Variants in ANKS1A observed in about 807,000 individuals in gnomAD.
ANKS1A encodes the protein ankyrin repeat and sterile alpha motif domain containing 1A, also known as ankyrin repeat and SAM domain-containing protein 1A.
ANKS1A carries 55 observed loss-of-function variants against 120.3 expected under a neutral mutation model. The observed-to-expected ratio is 0.46, with a 90% CI of 0.37 to 0.57. ANKS1A has a LOEUF of 0.57. Among genes scored for constraint, ANKS1A ranks in the 20% least tolerant of loss-of-function variants. ANKS1A has a pLI of 0.00. For synonymous variants in ANKS1A, 590 were observed against 604.7 expected, an observed-to-expected ratio of 0.98 and a Z score of 0.36; for missense variants, 1,123 against 1,480.3, an observed-to-expected ratio of 0.76 and a Z score of 3.96.
chr6:35,008,006 T>C (rs1773550495), intron 10 of ANKS1A, among the ~76,000 whole-genome samples: 1 of 152,212 alleles, frequency 6.6e-6, no homozygotes, highest in East Asian at 1.9e-4. Flanking sequence ...CTTCCGTCTG[T>C]AGTCCCACTT....
At position 34,981,850 on chromosome 6, in the gene ANKS1A, A is replaced by G; in HGVS notation, c.596A>G (p.Lys199Arg). Residue 199 changes from lysine to arginine, a missense_variant, in exon 4 of 24, where the codon AAA (lysine) becomes AGA (arginine). Physicochemically the swap from Lys to Arg is conservative, Grantham distance 26 (BLOSUM62 2). Around this residue, in one of 3 missense-constraint regions of ANKS1A, gnomAD observed 146 missense variants for 267.8 expected, o/e 0.55. Coordinates refer to ENST00000360359, the MANE Select transcript of ANKS1A (RefSeq NM_015245.3). ...AALYGRLEVV[K>R]MLLNAHPNLL... ...CTGTACGGGCGACTGGAGGTGGTGA[A>G]AATGCTCCTTAATGCACACCCCAAC... 6.2e-7 allele frequency: 1 copy of G among 1,614,110 alleles called. No individual in the cohort carries two copies. The highest frequency in any genetic ancestry group is 8.5e-7 in the Non-Finnish European group (1 of 1,180,026).
intron 1 of ANKS1A, among the ~76,000 whole-genome samples, chr6:34,908,140 T>C (rs1767731061): frequency 6.6e-6 from 1 of 152,162 alleles, no homozygotes; most frequent in Non-Finnish European, 1.5e-5. Context: ...GCCAGGGATG[T>C]AAATAGTGCT....
At chr6:35,052,706 T>A (rs967881522) in intron 11 of ANKS1A, among the ~76,000 whole-genome samples, 2 of 151,688 alleles carry the variant, frequency 1.3e-5, no homozygotes, top group African/African-American at 2.4e-5. Flanking sequence ...CTGCCCCTGC[T>A]GAAGGAGGCA....
downstream of ANKS1A, among the ~76,000 whole-genome samples, chr6:35,091,894 CAA>C (rs1206960769): frequency 2.0e-5 from 3 of 152,168 alleles, no homozygotes; most frequent in Non-Finnish European, 4.4e-5. Context: ...ATGCAGAGGG[CAA>C]AGTGTTCCCA....
intron 10 of ANKS1A, among the ~76,000 whole-genome samples, chr6:35,003,670 T>TA (rs1299528314): frequency 2.0e-5 from 3 of 152,180 alleles, no homozygotes; most frequent in Non-Finnish European, 4.4e-5. Context: ...CTTCAAGTGA[T>TA]AAAAAGCCTC....
chr6:34,993,792 G>A (rs1275416145), intron 9 of ANKS1A, among the ~76,000 whole-genome samples: 1 of 152,192 alleles, frequency 6.6e-6, no homozygotes, highest in Non-Finnish European at 1.5e-5. Context: ...AAGAAACGTG[G>A]AGAAAGAGGT....
intron 13 of ANKS1A, among the ~76,000 whole-genome samples, chr6:35,068,220 CTT>C: frequency 6.6e-6 from 1 of 152,168 alleles, no homozygotes; most frequent in East Asian, 1.9e-4. Flanking sequence ...TACTAATAAA[CTT>C]GTATTATTCA....
intron 1 of ANKS1A, among the ~76,000 whole-genome samples, chr6:34,926,755 A>T (rs967393322): frequency 3.9e-5 from 6 of 152,126 alleles, no homozygotes; most frequent in African/African-American, 1.4e-4. Flanking sequence ...GCTGCTGAGC[A>T]CCAGAGCCAG....
Position 35,086,897 on chromosome 6 carries a change from C to T in ANKS1A, c.3304-55C>T, listed in dbSNP as rs1409001511. 2.6e-6 allele frequency: 4 copies of T among 1,566,378 alleles called. No individual in the cohort carries two copies. The highest frequency in any genetic ancestry group is 3.5e-6 in the Non-Finnish European group (4 of 1,137,126). On this transcript the variant is annotated intron_variant, in intron 22 of 23. Coordinates refer to ENST00000360359, the MANE Select transcript of ANKS1A (RefSeq NM_015245.3). The surrounding 1 kb of genome is among the most constrained non-coding windows in gnomAD (Gnocchi z 5.1). ...CCTGGGGGTGGGAGGGGCCTGCTGC[C>T]TCCAGCCCTGGCACAGAGCTCCCTC...
rs370690216 is a variant in ANKS1A at position 35,076,754 on chromosome 6, C to G, written c.2185-1804C>G. ...AAATGATTCTCCTGCCTCAGCCTCCCGAGTAGCTGGGATTACAGGCGCCTG... is the reference window on the plus strand; with the variant it reads ...AAATGATTCTCCTGCCTCAGCCTCCGGAGTAGCTGGGATTACAGGCGCCTG... On this transcript the variant is annotated intron_variant, in intron 13 of 23. Coordinates refer to ENST00000360359, the MANE Select transcript of ANKS1A (RefSeq NM_015245.3). Among the ~76,000 whole-genome samples, 3 of 152,198 alleles carry G rather than the reference C, an allele frequency of 2.0e-5. No homozygotes were observed. In the East Asian group the frequency reaches 5.8e-4, roughly 29 times the overall value.
the ANKS1A span, among the ~76,000 whole-genome samples, chr6:35,097,346 T>TA: frequency 1.3e-5 from 2 of 151,898 alleles, no homozygotes; most frequent in Non-Finnish European, 2.9e-5. Context: ...CTATCTCTAC[T>TA]AAAAATACAG....
chr6:35,067,921 G>A (rs921550978), intron 13 of ANKS1A, among the ~76,000 whole-genome samples: 5 of 110,362 alleles, frequency 4.5e-5, no homozygotes, highest in Admixed American at 2.4e-4. Context: ...ACGGAGTTTC[G>A]CCCTTTCCCC....
At chr6:35,059,038 A>C (rs1776349142) in intron 12 of ANKS1A, among the ~76,000 whole-genome samples, 1 of 152,270 alleles carries the variant, frequency 6.6e-6, no homozygotes. Flanking sequence ...CTCAGCTGAC[A>C]GAGGACCACT....
rs542059561 is a variant in ANKS1A at position 35,054,881 on chromosome 6, C to A, written c.2077+716C>A. 2.6e-5 allele frequency among the ~76,000 whole-genome samples: 4 copies of A among 152,348 alleles called. No homozygotes were observed. The East Asian group carries it at 7.7e-4, about 29-fold the overall frequency. On this transcript the variant is annotated intron_variant, in intron 12 of 23. Coordinates refer to ENST00000360359, the MANE Select transcript of ANKS1A (RefSeq NM_015245.3). The stretch of plus-strand genomic sequence containing the variant: ...CAGAGCAGATCTCACACCTCTCCCC[C>A]AAGCATCCAAAGATGGTCTGGGCAC...
intron 7 of ANKS1A, among the ~76,000 whole-genome samples, 169 bp from the exon 8 acceptor site, chr6:34,984,913 C>T (rs1464980242): frequency 6.6e-6 from 1 of 152,006 alleles, no homozygotes; most frequent in Non-Finnish European, 1.5e-5. Flanking sequence ...GTATAAAGAA[C>T]AGCTGAAACT....
At chr6:35,078,872 A>T (rs1777508305) in intron 14 of ANKS1A, among the ~76,000 whole-genome samples, 1 of 152,222 alleles carries the variant, frequency 6.6e-6, no homozygotes, top group African/African-American at 2.4e-5. Flanking sequence ...GCAGAGCCCT[A>T]GGGCAGGGAG....
chr6:34,972,307 C>T (rs1771222523), intron 3 of ANKS1A, among the ~76,000 whole-genome samples: 1 of 152,140 alleles, frequency 6.6e-6, no homozygotes, highest in Non-Finnish European at 1.5e-5. Context: ...AAGATGTCTG[C>T]AGTAGCTTGA....
At chr6:34,934,624 C>T (rs923870509) in intron 1 of ANKS1A, among the ~76,000 whole-genome samples, 2 of 152,200 alleles carry the variant, frequency 1.3e-5, no homozygotes, top group African/African-American at 2.4e-5. Context: ...TGCTTACATC[C>T]GTTTCCCTGG....
chr6:35,032,917 A>G (rs1774980968), intron 11 of ANKS1A, among the ~76,000 whole-genome samples: 2 of 152,160 alleles, frequency 1.3e-5, no homozygotes, highest in Admixed American at 6.5e-5. Context: ...TCCCTCACCC[A>G]TTTTTTAAAG....
Sources: gnomAD v4.1 joint callset for allele counts (sites outside exome capture counted in the v4.1 genomes callset) on GRCh38, gnomAD v4.1.1 for gene constraint, gnomAD v4.1.1 regional missense constraint, Gnocchi (gnomAD v3.1) non-coding constraint, MANE v1.5 for transcripts, NCBI Gene and HGNC (gene_info 2026-07-23, HGNC 2026-07-21) for gene names.